ICA1: variants seen among roughly 807,000 people sequenced by gnomAD.
ICA1 encodes 69 kDa islet cell autoantigen.
A neutral mutation model predicts 71.0 loss-of-function variants in ICA1; 40 were observed. That is an observed-to-expected ratio of 0.56 (90% CI 0.44 to 0.73). The LOEUF is 0.73. Among genes scored for constraint, ICA1 ranks in the 30% least tolerant of loss-of-function variants. The pLI is 0.00. For synonymous variants in ICA1, 207 were observed against 209.5 expected, an observed-to-expected ratio of 0.99 and a Z score of 0.10; for missense variants, 578 against 576.5, an observed-to-expected ratio of 1.00 and a Z score of -0.03.
chr7:8,209,639 A>AC (rs1369314469), intron 6 of ICA1, among the ~76,000 whole-genome samples: 30 of 152,346 alleles, frequency 2.0e-4, no homozygotes, highest in Non-Finnish European at 3.7e-4. Context: ...CATTTGATAA[A>AC]CATTTATTGA....
At chr7:8,238,138 T>C (rs1802481990) in intron 1 of ICA1, among the ~76,000 whole-genome samples, 1 of 152,202 alleles carries the variant, frequency 6.6e-6, no homozygotes, top group Admixed American at 6.5e-5. Context: ...TGAGATCCTG[T>C]ATTCAATTCT....
Position 8,144,016 on chromosome 7 carries a change from GAAGAAA to G in ICA1, c.805-50_805-45del. On this transcript the variant is annotated intron_variant, in intron 8 of 13. Coordinates refer to ENST00000402384, the MANE Select transcript of ICA1 (RefSeq NM_001136020.3). This position sits in a 1 kb window ranked among gnomAD's most constrained non-coding sequence, Gnocchi z 4.5. ...AAAAATGAAAAAGAAAAAAAAAGAA[GAAGAAA>G]TAGAGACAAAAAAAAGAAAAGAAAG... 9.3e-7 allele frequency: 1 copy of G among 1,080,190 alleles called. No homozygotes were observed. Among genetic ancestry groups the G allele is most frequent in the Non-Finnish European group, 1.4e-6 (1 of 726,230 alleles). 66.9% of individuals were successfully genotyped at this position (1,080,190 alleles called of 1,614,324 possible).
intron 6 of ICA1, among the ~76,000 whole-genome samples, chr7:8,166,271 G>C (rs181528047): frequency 1.3e-5 from 2 of 152,280 alleles, no homozygotes; most frequent in African/African-American, 4.8e-5. Context: ...TAAGGCAAAA[G>C]CATGGAACGG....
intron 6 of ICA1, among the ~76,000 whole-genome samples, chr7:8,177,765 A>T (rs555925800): frequency 1.1e-3 from 170 of 152,320 alleles, no homozygotes; most frequent in African/African-American, 3.9e-3. Context: ...GGTGAACTGA[A>T]TTGCAGAAAG....
intron 13 of ICA1, among the ~76,000 whole-genome samples, chr7:8,119,256 C>T (rs1371514719): frequency 6.6e-6 from 1 of 152,090 alleles, no homozygotes; most frequent in Non-Finnish European, 1.5e-5. Flanking sequence ...TCAGTAAAGC[C>T]AGGTGAGGAG....
chr7:8,247,902 G>A (rs1224976676), intron 1 of ICA1, among the ~76,000 whole-genome samples: 1 of 152,058 alleles, frequency 6.6e-6, no homozygotes, highest in Non-Finnish European at 1.5e-5. Flanking sequence ...CACTATATTG[G>A]TATTCTATAC....
Position 8,205,938 on chromosome 7 carries a change from C to T in ICA1, c.579+12367G>A, listed in dbSNP as rs151134481. 6.7e-3 allele frequency among the ~76,000 whole-genome samples: 1,016 copies of T among 152,294 alleles called. 4 individuals carry two copies. Among genetic ancestry groups the T allele is most frequent in the South Asian group, 0.034 (165 of 4,812 alleles). ...AGGGTGCTGCAATCCAACTCGAAGG[C>T]CTGGAGTTGGGTTGAAAGTGTGGAG... On this transcript the variant is annotated intron_variant, in intron 6 of 13. Transcript: ENST00000402384.
At chr7:8,229,786 A>G (rs11973320) in intron 3 of ICA1, among the ~76,000 whole-genome samples, 14,790 of 152,226 alleles carry the variant, frequency 0.097, 1,809 homozygotes, top group African/African-American at 0.29. Context: ...ATTTTGTTAA[A>G]TTGCATCTTC....
chr7:8,134,587 C>A (rs996429156), intron 12 of ICA1, among the ~76,000 whole-genome samples: 4 of 152,162 alleles, frequency 2.6e-5, no homozygotes, highest in African/African-American at 9.7e-5. Context: ...AAAGGCCACA[C>A]GCTTGCAGTA....
chr7:8,234,295 T>A lies in ICA1; in HGVS notation c.18-1540A>T, dbSNP rs1161610914. ...TGAAATGGAATTGTGTAAAAGTGAT[T>A]GGAGTACCCCAAATATGGCTGGAAA... On this transcript the variant is annotated intron_variant, in intron 2 of 13. Transcript: ENST00000402384. The surrounding 1 kb of genome is among the most constrained non-coding windows in gnomAD (Gnocchi z 4.5). 6.6e-6 allele frequency among the ~76,000 whole-genome samples: 1 copy of A among 152,190 alleles called. No homozygotes were observed. The highest frequency in any genetic ancestry group is 6.5e-5 in the Admixed American group (1 of 15,276).
intron 6 of ICA1, among the ~76,000 whole-genome samples, chr7:8,161,648 T>C (rs375382243): frequency 1.3e-4 from 20 of 152,146 alleles, no homozygotes; most frequent in African/African-American, 4.6e-4. Flanking sequence ...GTGAGAAACA[T>C]ATGCATGCAA....
intron 6 of ICA1, among the ~76,000 whole-genome samples, chr7:8,207,090 A>T (rs1337369340): frequency 1.3e-5 from 2 of 152,212 alleles, no homozygotes; most frequent in East Asian, 3.8e-4. Flanking sequence ...AACATCCCTC[A>T]TTTCAATGTC....
rs112095539 is a variant in ICA1 at position 8,200,497 on chromosome 7, T to C, written c.579+17808A>G. On this transcript the variant is annotated intron_variant, in intron 6 of 13. Transcript: ENST00000402384. ...ACATGGAGGAAATAAAGGAACAGAT[T>C]GACTTCCTGTTTGGGGGACGCAATC... Among the ~76,000 whole-genome samples the C allele has an allele frequency of 2.0e-3, 299 of 152,242 alleles. 3 individuals carry two copies. The highest frequency in any genetic ancestry group is 7.0e-3 in the African/African-American group (289 of 41,556).
intron 6 of ICA1, among the ~76,000 whole-genome samples, chr7:8,206,733 GAA>G (rs60704635): frequency 0.1 from 13,397 of 133,454 alleles, 569 homozygotes; most frequent in East Asian, 0.33. Flanking sequence ...GGTTTAAAAT[GAA>G]AAAAAAAAAA....
intron 6 of ICA1, among the ~76,000 whole-genome samples, chr7:8,188,284 G>A: frequency 6.6e-6 from 1 of 152,134 alleles, no homozygotes; most frequent in East Asian, 1.9e-4. Context: ...CACTTATTTG[G>A]TTTCTAAGTT....
intron 2 of ICA1, among the ~76,000 whole-genome samples, chr7:8,233,286 G>T (rs574333143): frequency 1.3e-5 from 2 of 152,318 alleles, no homozygotes; most frequent in South Asian, 4.2e-4. Flanking sequence ...CGAGTGGCTA[G>T]AAGGTAGGAA....
chr7:8,235,335 A>T (rs184128042), intron 2 of ICA1, among the ~76,000 whole-genome samples: 197 of 152,310 alleles, frequency 1.3e-3, no homozygotes, highest in African/African-American at 4.5e-3. Flanking sequence ...TGGACCTTAC[A>T]AGAGGTTTAA....
chr7:8,214,616 C>G (rs1268283467), intron 6 of ICA1, among the ~76,000 whole-genome samples: 1 of 152,194 alleles, frequency 6.6e-6, no homozygotes, highest in Non-Finnish European at 1.5e-5. Flanking sequence ...AGGCTGGACT[C>G]ACGCTTTCCC....
intron 7 of ICA1, among the ~76,000 whole-genome samples, chr7:8,157,941 C>T (rs1007001375): frequency 2.6e-5 from 4 of 152,046 alleles, no homozygotes; most frequent in African/African-American, 4.8e-5. Context: ...CCGCCTGCCT[C>T]GGCCTCCCAA....
Sources: gnomAD v4.1 joint callset for allele counts (sites outside exome capture counted in the v4.1 genomes callset) on GRCh38, gnomAD v4.1.1 for gene constraint, Gnocchi (gnomAD v3.1) non-coding constraint, MANE v1.5 for transcripts, NCBI Gene and HGNC (gene_info 2026-07-23, HGNC 2026-07-21) for gene names.